The following EPHA6 variants were observed in gnomAD, a reference collection of about 807,000 sequenced individuals.
EPHA6 encodes EPH receptor A6.
A neutral mutation model predicts 112.0 loss-of-function variants in EPHA6; 50 were observed. The observed-to-expected ratio is 0.45, with a 90% CI of 0.36 to 0.56. The LOEUF (loss-of-function observed/expected upper bound fraction) is 0.56. Among genes scored for constraint, EPHA6 ranks in the 20% least tolerant of loss-of-function variants. EPHA6 has a pLI of 0.00. For missense variants in EPHA6, 1,280 were observed against 1,417.4 expected (o/e 0.90, Z 1.56); for synonymous variants, 529 against 490.7 (o/e 1.08, Z -1.03).
At chr3:97,420,089 TC>T (rs2088490996) in intron 6 of EPHA6, among the ~76,000 whole-genome samples, 1 of 152,162 alleles carries the variant, frequency 6.6e-6, no homozygotes, top group Non-Finnish European at 1.5e-5. Flanking sequence ...GGTCAATTGA[TC>T]AACACTAAAT....
intron 3 of EPHA6, among the ~76,000 whole-genome samples, chr3:96,989,468 A>G (rs544426516): frequency 1.4e-4 from 21 of 152,362 alleles, no homozygotes; most frequent in African/African-American, 5.0e-4. Flanking sequence ...ACAAGGATTT[A>G]TAATGGAGAA....
intron 3 of EPHA6, among the ~76,000 whole-genome samples, chr3:97,223,524 A>T (rs2078264496): frequency 6.6e-6 from 1 of 152,178 alleles, no homozygotes. Context: ...TATCTGAAGG[A>T]ACAAAAGGTA....
intron 1 of EPHA6, among the ~76,000 whole-genome samples, chr3:96,857,422 A>G (rs578195351): frequency 2.0e-5 from 3 of 152,216 alleles, no homozygotes; most frequent in African/African-American, 4.8e-5. Flanking sequence ...TAAATGTTTC[A>G]TTTATGAACC....
chr3:97,341,429 A>G (rs749326420), intron 5 of EPHA6, among the ~76,000 whole-genome samples: 33 of 150,704 alleles, frequency 2.2e-4, no homozygotes, highest in Non-Finnish European at 3.7e-4. Flanking sequence ...ATCTCAGCTC[A>G]CTGCAAGCTC....
chr3:97,630,358 A>T (rs1353356982), intron 13 of EPHA6, among the ~76,000 whole-genome samples: 1 of 151,936 alleles, frequency 6.6e-6, no homozygotes, highest in Non-Finnish European at 1.5e-5. Context: ...TAAAAAGGAG[A>T]TAGTTACTTA....
intron 5 of EPHA6, among the ~76,000 whole-genome samples, chr3:97,293,257 G>T (rs1390501743): frequency 6.6e-6 from 1 of 151,486 alleles, no homozygotes; most frequent in Non-Finnish European, 1.5e-5. Flanking sequence ...TCTCAGCAAA[G>T]AGGACACTCA....
chr3:96,943,887 T>G (rs1256857864), intron 2 of EPHA6, among the ~76,000 whole-genome samples: 1 of 152,114 alleles, frequency 6.6e-6, no homozygotes, highest in East Asian at 1.9e-4. Flanking sequence ...AAGGAATGAA[T>G]TTGAGATGTT....
chr3:96,982,355 T>G (rs2042830029), intron 2 of EPHA6, among the ~76,000 whole-genome samples: 1 of 152,204 alleles, frequency 6.6e-6, no homozygotes, highest in Non-Finnish European at 1.5e-5. Context: ...TTCCATGTAG[T>G]TGAGTGGTTT....
chr3:97,154,977 A>T (rs2076256502), intron 3 of EPHA6, among the ~76,000 whole-genome samples: 1 of 152,198 alleles, frequency 6.6e-6, no homozygotes, highest in Non-Finnish European at 1.5e-5. Context: ...TGTATGACTT[A>T]GGTAAAATAA....
chr3:97,389,087 A>G (rs1179643743), intron 5 of EPHA6, among the ~76,000 whole-genome samples: 2 of 152,226 alleles, frequency 1.3e-5, no homozygotes, highest in African/African-American at 4.8e-5. Context: ...CAGGCTACAA[A>G]TACAAATCAA....
At chr3:97,111,801 CATTT>C (rs1477435130) in intron 3 of EPHA6, among the ~76,000 whole-genome samples, 1 of 152,078 alleles carries the variant, frequency 6.6e-6, no homozygotes, top group African/African-American at 2.4e-5. Context: ...CTTCCACATT[CATTT>C]GACGGCACTG....
chr3:96,929,069 C>T (rs1036584652), intron 2 of EPHA6, among the ~76,000 whole-genome samples: 1 of 152,060 alleles, frequency 6.6e-6, no homozygotes, highest in African/African-American at 2.4e-5. Flanking sequence ...GCTTTTTATC[C>T]AGCTTGAAGA....
intron 5 of EPHA6, among the ~76,000 whole-genome samples, chr3:97,359,880 G>A (rs1426916293): frequency 6.6e-6 from 1 of 151,794 alleles, no homozygotes; most frequent in Non-Finnish European, 1.5e-5. Flanking sequence ...AAGCATGTGT[G>A]GTCACTTTCT....
intron 2 of EPHA6, among the ~76,000 whole-genome samples, chr3:96,963,954 A>G (rs901591188): frequency 3.8e-4 from 58 of 152,240 alleles, no homozygotes; most frequent in African/African-American, 1.3e-3. Flanking sequence ...ATTTATGTAT[A>G]AGAAGTAAGA....
chr3:97,719,002 T>G (rs994915649), intron 14 of EPHA6, among the ~76,000 whole-genome samples: 7 of 150,904 alleles, frequency 4.6e-5, no homozygotes, highest in African/African-American at 1.7e-4. Context: ...TACTAGTCTT[T>G]GAAATGAGTG....
At position 97,712,544 on chromosome 3, in the gene EPHA6, C is replaced by T. The variant is rs183740478; in HGVS notation, c.2785-7717C>T. Among the ~76,000 whole-genome samples the T allele has an allele frequency of 6.3e-3, 961 of 152,210 alleles. 15 individuals carry two copies. The highest frequency in any genetic ancestry group is 0.021 in the African/African-American group (888 of 41,522). On this transcript the variant is annotated intron_variant, in intron 14 of 17. Transcript: ENST00000389672. ...TCTCATAATAAAGTACATATTTATT[C>T]TCCCACACTAAAGTAGCATTGTGTC...
At chr3:97,037,359 T>A (rs2045138998) in intron 3 of EPHA6, among the ~76,000 whole-genome samples, 2 of 152,024 alleles carry the variant, frequency 1.3e-5, no homozygotes, top group Admixed American at 1.3e-4. Context: ...GACTTAACTT[T>A]AAGTAGATGG....
chr3:97,601,963 A>G (rs2093646786), intron 12 of EPHA6, among the ~76,000 whole-genome samples: 1 of 152,078 alleles, frequency 6.6e-6, no homozygotes, highest in African/African-American at 2.4e-5. Flanking sequence ...TCAAGCCAGA[A>G]GTAAAGCGTA....
chr3:97,481,851 A>T lies in EPHA6; in HGVS notation c.2075-2083A>T, dbSNP rs73849478. ...GACACCTGGGCTGATGACTTAACGC[A>T]GGGCAACCTTAAGATTCACTGCAGG... is the stretch of plus-strand genomic sequence containing the variant. On this transcript the variant is annotated intron_variant, in intron 9 of 17. Transcript: ENST00000389672. Among the ~76,000 whole-genome samples the T allele has an allele frequency of 9.7e-3, 1,472 of 152,296 alleles. 22 individuals carry two copies. Among genetic ancestry groups the T allele is most frequent in the African/African-American group, 0.032 (1,326 of 41,528 alleles).
Sources: gnomAD v4.1 joint callset for allele counts (sites outside exome capture counted in the v4.1 genomes callset) on GRCh38, gnomAD v4.1.1 for gene constraint, MANE v1.5 for transcripts, NCBI Gene and HGNC (gene_info 2026-07-23, HGNC 2026-07-21) for gene names.